The following PRUNE2 variants were observed in gnomAD, a reference collection of about 807,000 sequenced individuals.
PRUNE2 encodes the protein prune homolog 2 with BCH domain.
A neutral mutation model predicts 252.0 loss-of-function variants in PRUNE2; 164 were observed. The observed-to-expected ratio is 0.65, with a 90% CI of 0.57 to 0.74. PRUNE2 has a LOEUF of 0.74. Ranked by LOEUF, PRUNE2 falls within the 30% of genes least tolerant of loss-of-function variation. The pLI is 0.00. For synonymous variants in PRUNE2, 1,292 were observed against 1,350.2 expected (o/e 0.96, Z 0.94); for missense variants, 3,495 against 3,711.0 (o/e 0.94, Z 1.51).
intron 1 of PRUNE2, among the ~76,000 whole-genome samples, chr9:76,872,600 A>C (rs1462023565): frequency 7.2e-6 from 1 of 139,264 alleles, no homozygotes; most frequent in Non-Finnish European, 1.5e-5. Flanking sequence ...GATTATGGAA[A>C]ACACACACAC....
rs1379819417 is a variant in PRUNE2, at chr9:76,710,602, C to G, written c.1672G>C (p.Ala558Pro). ...NYSSSSLLSG[A>P]GKDSLVEHDE... ...TGTTCCACAAGGCTATCTTTGCCAG[C>G]CCCTGACAAAAGTGAACTGGATGAA... is the stretch of plus-strand genomic sequence containing the variant. Residue 558 changes from alanine to proline, a missense_variant, in exon 8 of 19, where the codon GCT becomes CCT. By Grantham distance (27) the Ala-to-Pro change is conservative. Transcript: ENST00000376718. The G allele has an allele frequency of 1.2e-6, 2 of 1,613,602 alleles. No homozygotes were observed. Among genetic ancestry groups the G allele is most frequent in the South Asian group, 1.1e-5 (1 of 90,992 alleles).
In PRUNE2 at chr9:76,787,299, CGTT is replaced by C. The variant is rs1367681075; in HGVS notation, c.756+36330_756+36332del. 4 of 138,926 alleles carry C rather than the reference CGTT, an allele frequency of 2.9e-5. No individual in the cohort carries two copies. In the East Asian group the frequency reaches 6.2e-4, roughly 21 times the overall value. The allele number at this position is 138,926 out of a possible 1,614,324, so 8.6% of individuals were successfully genotyped here. A position where few individuals can be genotyped will look rare whatever the true frequency, so the allele number is the denominator to read the frequency against. On this transcript the variant is annotated intron_variant, in intron 6 of 18. Coordinates refer to ENST00000376718, the MANE Select transcript of PRUNE2 (RefSeq NM_015225.3). ...ATTATTTTCTTTTACTACTATATTA[CGTT>C]GTTATTATTTTGTTCTCTATAGTAT...
chr9:76,857,946 T>TTCCAAGGATGG (rs2060346233), intron 1 of PRUNE2, among the ~76,000 whole-genome samples: 1 of 152,172 alleles, frequency 6.6e-6, no homozygotes, highest in African/African-American at 2.4e-5. Context: ...CACTGCTCAC[T>TTCCAAGGATGG]GAAGGTCTGT....
At position 76,624,419 on chromosome 9, in the gene PRUNE2, C is replaced by T. The variant is rs749371362; in HGVS notation, c.9188+33G>A. 3 of 1,379,112 alleles carry T rather than the reference C, an allele frequency of 2.2e-6. No individual in the cohort carries two copies. The Middle Eastern group carries it at 5.6e-4, about 258-fold the overall frequency. 85.4% of individuals were successfully genotyped at this position (1,379,112 alleles called of 1,614,324 possible). ...TCAGTTCTGAAATGCAAGCCAACATCATGCCAGCCGCTAAACGAAAACCAA... is the reference window on the plus strand; with the variant it reads ...TCAGTTCTGAAATGCAAGCCAACATTATGCCAGCCGCTAAACGAAAACCAA... On this transcript the variant is annotated intron_variant, in intron 17 of 18. Coordinates refer to ENST00000376718, the MANE Select transcript of PRUNE2 (RefSeq NM_015225.3).
At chr9:76,626,853 C>T (rs1835020242) in intron 16 of PRUNE2, among the ~76,000 whole-genome samples, 1 of 152,116 alleles carries the variant, frequency 6.6e-6, no homozygotes, top group Non-Finnish European at 1.5e-5. Context: ...GAAGCTGAGA[C>T]TCAGAATATT....
intron 6 of PRUNE2, among the ~76,000 whole-genome samples, chr9:76,755,754 G>A (rs182802461): frequency 4.2e-3 from 640 of 152,254 alleles, no homozygotes; most frequent in Non-Finnish European, 6.3e-3. Flanking sequence ...CCAGGCTGGA[G>A]TGCAGTGACG....
intron 11 of PRUNE2, chr9:76,652,281 C>T: frequency 5.5e-6 from 3 of 547,498 alleles, no homozygotes; most frequent in Non-Finnish European, 9.8e-6. Flanking sequence ...TAATAAAGAG[C>T]AATGGTTATG....
At chr9:76,645,693 C>T (rs1223672636) in intron 11 of PRUNE2, among the ~76,000 whole-genome samples, 1 of 151,732 alleles carries the variant, frequency 6.6e-6, no homozygotes, top group Non-Finnish European at 1.5e-5. Flanking sequence ...GCAATTGTTT[C>T]CATTTTTACT....
At chr9:76,712,172 A>G (rs1481800067) in intron 7 of PRUNE2, among the ~76,000 whole-genome samples, 1 of 152,178 alleles carries the variant, frequency 6.6e-6, no homozygotes, top group African/African-American at 2.4e-5. Context: ...GAGTGCTTTC[A>G]TGTGCCAGGC....
intron 6 of PRUNE2, among the ~76,000 whole-genome samples, chr9:76,766,965 C>T (rs771162748): frequency 6.6e-6 from 1 of 152,174 alleles, no homozygotes; most frequent in Non-Finnish European, 1.5e-5. Context: ...TCATCTACCT[C>T]TCCCACCTCG....
At chr9:76,867,387 A>G (rs1039205219) in intron 1 of PRUNE2, among the ~76,000 whole-genome samples, 1 of 152,174 alleles carries the variant, frequency 6.6e-6, no homozygotes, top group South Asian at 2.1e-4. Flanking sequence ...ACATGATTCA[A>G]ACACCATCTC....
chr9:76,734,693 C>A (rs2048920130), intron 6 of PRUNE2, among the ~76,000 whole-genome samples: 1 of 152,192 alleles, frequency 6.6e-6, no homozygotes, highest in Non-Finnish European at 1.5e-5. Flanking sequence ...ATCCTCCTAA[C>A]TTCATATGGC....
chr9:76,808,851 C>G (rs1223392751), intron 6 of PRUNE2: 1 of 152,320 alleles, frequency 6.6e-6, no homozygotes, highest in Admixed American at 6.5e-5. Context: ...TCATTATTCT[C>G]CCATTTGCAT....
At position 76,833,492 on chromosome 9, in the gene PRUNE2, G is replaced by A. The variant is rs182072446; in HGVS notation, c.509-6760C>T. Among the ~76,000 whole-genome samples, 424 of 152,182 alleles carry A rather than the reference G, an allele frequency of 2.8e-3. 2 individuals are homozygous for A. Among genetic ancestry groups the A allele is most frequent in the Middle Eastern group, 0.017 (5 of 294 alleles). ...TATAAAAACCAAATACAGGCCGGGC[G>A]TGGTGGCTCATGCCTGTAATCCCCG... On this transcript the variant is annotated intron_variant, in intron 4 of 18. Transcript: ENST00000376718.
chr9:76,728,231 G>A (rs2048288482), intron 6 of PRUNE2, among the ~76,000 whole-genome samples: 1 of 152,050 alleles, frequency 6.6e-6, no homozygotes, highest in Non-Finnish European at 1.5e-5. Flanking sequence ...CTTAGGCTAT[G>A]TGGAAAAACT....
At chr9:76,683,300 A>G (rs1266642249) in intron 9 of PRUNE2, among the ~76,000 whole-genome samples, 2 of 152,206 alleles carry the variant, frequency 1.3e-5, no homozygotes, top group Non-Finnish European at 2.9e-5. Context: ...TGGGGATTGC[A>G]GTTGACTGTA....
intron 6 of PRUNE2, among the ~76,000 whole-genome samples, chr9:76,757,243 G>C (rs2051239982): frequency 6.6e-6 from 1 of 152,102 alleles, no homozygotes; most frequent in Admixed American, 6.5e-5. Flanking sequence ...GATTGTGAAT[G>C]GTCTGCAGAT....
At position 76,706,208 on chromosome 9, in the gene PRUNE2, A is replaced by C; in HGVS notation, c.6066T>G (p.Ser2022Arg). ...SIATENFPAV[S>R]SPTQLIMKPG... Reference sequence around the variant, plus strand: ...GCTTCATTATCAGTTGGGTGGGAGAACTGACAGCAGGAAAATTTTCTGTGG... The same window carrying C: ...GCTTCATTATCAGTTGGGTGGGAGACCTGACAGCAGGAAAATTTTCTGTGG... Residue 2022 changes from serine (S) to arginine (R), a missense_variant, in exon 8 of 19, where the codon AGT (serine) becomes AGG (arginine). Ser to Arg is a moderately radical substitution (Grantham distance 110). Transcript: ENST00000376718. 6.2e-7 allele frequency: 1 copy of C among 1,613,988 alleles called. No individual in the cohort carries two copies. The highest frequency in any genetic ancestry group is 8.5e-7 in the Non-Finnish European group (1 of 1,179,884).
chr9:76,870,603 G>A (rs1018327240), intron 1 of PRUNE2, among the ~76,000 whole-genome samples: 4 of 151,384 alleles, frequency 2.6e-5, no homozygotes, highest in African/African-American at 7.3e-5. Flanking sequence ...GGAGAATGGC[G>A]TGAACCCGGG....
Sources: gnomAD v4.1 joint callset for allele counts (sites outside exome capture counted in the v4.1 genomes callset) on GRCh38, gnomAD v4.1.1 for gene constraint, MANE v1.5 for transcripts, NCBI Gene and HGNC (gene_info 2026-07-23, HGNC 2026-07-21) for gene names.